Variants in LAMP2 observed in about 807,000 individuals in gnomAD.
LAMP2 encodes lysosome associated membrane protein 2, also known as lysosome-associated membrane glycoprotein 2.
Under a neutral mutation model 25.6 loss-of-function variants are expected in LAMP2, and 4 were observed. The ratio of observed to expected loss-of-function variants is 0.16; its 90% CI spans 0.08 to 0.36. The LOEUF is 0.36. LAMP2 is among the 10% of genes least tolerant of loss of function. The probability of loss-of-function intolerance (pLI) is 1.00; values close to 1 mark genes in which losing one functional copy is unlikely to be tolerated. For missense variants in LAMP2, 272 were observed against 301.4 expected (o/e 0.90, Z 0.72); for synonymous variants, 108 against 112.7 (o/e 0.96, Z 0.27).
chrX:120,432,255 T>C (rs1265783685), intron 8 of LAMP2, among the ~76,000 whole-genome samples: 1 of 110,671 alleles, frequency 9.0e-6, no homozygotes, highest in Non-Finnish European at 1.9e-5. Context: ...TAAAAAGACA[T>C]AGCACTTCAA....
chrX:120,454,898 G>GATATATAT (rs139348113), intron 3 of LAMP2, among the ~76,000 whole-genome samples: 1 of 87,422 alleles, frequency 1.1e-5, no homozygotes, highest in Non-Finnish European at 2.2e-5. Flanking sequence ...TATACTAGGA[G>GATATATAT]ATATATATAT....
In LAMP2 at chrX:120,429,288, A is replaced by G. The variant is rs2058513314; in HGVS notation, c.*2035T>C. The G allele has an allele frequency of 1.3e-6, 1 of 745,196 alleles. No individual in the cohort carries two copies. The highest frequency in any genetic ancestry group is 1.6e-6 in the Non-Finnish European group (1 of 634,132). The allele number at this position is 745,196 out of a possible 1,213,427, so 61.4% of individuals were successfully genotyped here. ...ACCAGGAAAGCAACATGTGCAATGT[A>G]GATTTTGAGTTCTGGATTCAGACAG... On this transcript the variant is annotated 3_prime_UTR_variant, in exon 9 of 9. Coordinates refer to ENST00000200639, the MANE Select transcript of LAMP2 (RefSeq NM_002294.3).
chrX:120,468,048 C>A (rs995365342), intron 1 of LAMP2, among the ~76,000 whole-genome samples: 2 of 111,999 alleles, frequency 1.8e-5, no homozygotes, highest in Non-Finnish European at 3.8e-5. Context: ...CAGGCATGAG[C>A]CACCACGCCC....
rs759257111 is a variant in LAMP2, at chrX:120,438,486, GATT to G, written c.1093+3241_1093+3243del. On this transcript the variant is annotated intron_variant, in intron 8 of 8. Transcript: ENST00000200639. ...TTTTAAAAAAAAGATTAAACAATAAGATTAATACCTACTCTAAATTTTAAAAAG... is the reference window on the plus strand; with the variant it reads ...TTTTAAAAAAAAGATTAAACAATAAGAATACCTACTCTAAATTTTAAAAAG... 3.9e-4 allele frequency: 286 copies of G among 724,672 alleles called. 2 individuals are homozygous for G. The highest frequency in any genetic ancestry group is 7.9e-4 in the Middle Eastern group (1 of 1,269). The allele number at this position is 724,672 out of a possible 1,213,427, so 59.7% of individuals were successfully genotyped here. A position where few individuals can be genotyped will look rare whatever the true frequency, so the allele number is the denominator to read the frequency against.
chrX:120,437,966 C>T (rs954914705), intron 8 of LAMP2: 12 of 251,578 alleles, frequency 4.8e-5, no homozygotes, highest in African/African-American at 3.6e-4. Context: ...AGTGATTCTC[C>T]TGCCTCAGCC....
chrX:120,432,621 G>A lies in LAMP2; in HGVS notation c.1094-1159C>T, dbSNP rs753246960. ...GACCAAACGGATGTAGGGGGTGTACGAGGAGGAGATAATAGAATGGTTTCC... is the reference window on the plus strand; with the variant it reads ...GACCAAACGGATGTAGGGGGTGTACAAGGAGGAGATAATAGAATGGTTTCC... On this transcript the variant is annotated intron_variant, in intron 8 of 8. Coordinates refer to ENST00000200639, the MANE Select transcript of LAMP2 (RefSeq NM_002294.3). Among the ~76,000 whole-genome samples, 9 of 111,724 alleles carry A rather than the reference G, an allele frequency of 8.1e-5. No individual in the cohort carries two copies. The highest frequency in any genetic ancestry group is 4.6e-3 in the Middle Eastern group (1 of 219).
chrX:120,464,668 A>T (rs1921461847), intron 1 of LAMP2, among the ~76,000 whole-genome samples: 1 of 111,897 alleles, frequency 8.9e-6, no homozygotes, highest in South Asian at 3.7e-4. Flanking sequence ...ACATAATATA[A>T]AGAAGGATCA....
intron 4 of LAMP2, among the ~76,000 whole-genome samples, chrX:120,448,259 T>C (rs1315878270): frequency 8.9e-6 from 1 of 112,409 alleles, no homozygotes; most frequent in African/African-American, 3.2e-5. Flanking sequence ...CACATCCCTA[T>C]GCTTTATCTG....
intron 2 of LAMP2, 89 bp from the exon 3 acceptor site, chrX:120,455,659 T>A: frequency 4.2e-6 from 3 of 718,861 alleles, no homozygotes; most frequent in Non-Finnish European, 6.5e-6. Flanking sequence ...TCAGCCTAAA[T>A]CATACATTCT....
At chrX:120,451,004 T>C (rs1349665991) in intron 3 of LAMP2, among the ~76,000 whole-genome samples, 1 of 109,999 alleles carries the variant, frequency 9.1e-6, no homozygotes, top group Non-Finnish European at 1.9e-5. Context: ...ATGAGCTCAC[T>C]GCAACCTCCA....
chrX:120,445,945 G>A lies in LAMP2; in HGVS notation c.864+360C>T, dbSNP rs905544288. On this transcript the variant is annotated intron_variant, in intron 6 of 8. Coordinates refer to ENST00000200639, the MANE Select transcript of LAMP2 (RefSeq NM_002294.3). ...CAAATAGTATCACAGAAAAACATGA[G>A]CACTACCTAACCAATAACAGAGAAA... Among the ~76,000 whole-genome samples the A allele has an allele frequency of 8.9e-5, 10 of 111,961 alleles. No individual in the cohort carries two copies. The Admixed American group carries it at 9.5e-4, about 11-fold the overall frequency.
intron 3 of LAMP2, among the ~76,000 whole-genome samples, chrX:120,449,450 A>G (rs1234994404): frequency 8.9e-6 from 1 of 111,930 alleles, no homozygotes; most frequent in Non-Finnish European, 1.9e-5. Context: ...CCTCGTCTCT[A>G]CTAAAAAGAT....
intron 1 of LAMP2, 26 bp downstream of exon 1, chrX:120,469,080 C>G (rs1189545411): frequency 1.7e-6 from 2 of 1,203,839 alleles, no homozygotes; most frequent in African/African-American, 3.5e-5. Context: ...GGCGGACAGA[C>G]TAATCGGGAG....
In LAMP2 at chrX:120,428,362, AG is replaced by A. The variant is rs1344320251; in HGVS notation, c.*2960del. The A allele has an allele frequency of 5.3e-5, 50 of 941,469 alleles. No homozygotes were observed. Among genetic ancestry groups the A allele is most frequent in the Non-Finnish European group, 6.6e-5 (48 of 731,552 alleles). The allele number at this position is 941,469 out of a possible 1,213,427, so 77.6% of individuals were successfully genotyped here. A position where few individuals can be genotyped will look rare whatever the true frequency, so the allele number is the denominator to read the frequency against. On this transcript the variant is annotated 3_prime_UTR_variant, in exon 9 of 9. Coordinates refer to ENST00000200639, the MANE Select transcript of LAMP2 (RefSeq NM_002294.3). ...AAGTGTACTCATGCCCAAGTTAGCT[AG>A]GAACTCACTGAAGTTAGTCTGCATA...
At chrX:120,452,716 T>A (rs1193975554) in intron 3 of LAMP2, among the ~76,000 whole-genome samples, 1 of 91,441 alleles carries the variant, frequency 1.1e-5, no homozygotes, top group Non-Finnish European at 2.1e-5. Context: ...CACCTGGCTT[T>A]TTTTTTTTTT....
At position 120,469,245 on chromosome X, in the gene LAMP2, C is replaced by G; in HGVS notation, c.-76G>C. ...GCTGCAACACCAGGGAAAAGGCTCG[C>G]TGGACCTGGGTCAAGAGCACTGATG... On this transcript the variant is annotated 5_prime_UTR_variant, in exon 1 of 9. Transcript: ENST00000200639. 9.3e-7 allele frequency: 1 copy of G among 1,073,501 alleles called. No homozygotes were observed. The highest frequency in any genetic ancestry group is 1.3e-6 in the Non-Finnish European group (1 of 773,606). The allele number at this position is 1,073,501 out of a possible 1,213,427, so 88.5% of individuals were successfully genotyped here.
At chrX:120,445,184 C>A (rs759392375) in intron 6 of LAMP2, among the ~76,000 whole-genome samples, 97 of 111,855 alleles carry the variant, frequency 8.7e-4, no homozygotes, top group African/African-American at 3.1e-3. Flanking sequence ...AGAGAATGTG[C>A]CTGAGGCTTG....
At chrX:120,444,913 G>A (rs1017434567) in intron 6 of LAMP2, among the ~76,000 whole-genome samples, 2 of 111,940 alleles carry the variant, frequency 1.8e-5, no homozygotes, top group Non-Finnish European at 3.8e-5. Context: ...CATTGCAGGT[G>A]TCTCTTGATT....
intron 8 of LAMP2, among the ~76,000 whole-genome samples, chrX:120,432,198 A>G (rs1210057512): frequency 1.8e-5 from 2 of 111,064 alleles, no homozygotes; most frequent in Non-Finnish European, 3.8e-5. Context: ...GTAATGGGGG[A>G]AGGGCATTCC....
Sources: allele counts gnomAD v4.1 joint callset (sites outside exome capture counted in the v4.1 genomes callset), GRCh38; gene constraint gnomAD v4.1.1; transcripts MANE v1.5; gene names NCBI Gene and HGNC (gene_info 2026-07-23, HGNC 2026-07-21).